The following LRRFIP1 variants were observed in gnomAD, a reference collection of about 807,000 sequenced individuals.
LRRFIP1 encodes leucine-rich repeat flightless-interacting protein 1.
Under a neutral mutation model 104.4 loss-of-function variants are expected in LRRFIP1, and 62 were observed. That is an observed-to-expected ratio of 0.59 (90% CI 0.48 to 0.73). The LOEUF is 0.73. LRRFIP1 is among the 30% of genes least tolerant of loss of function. The pLI, the probability that LRRFIP1 is intolerant of heterozygous loss-of-function variation, is 0.00. For synonymous variants in LRRFIP1, 300 were observed against 299.0 expected (o/e 1.00, Z -0.03); for missense variants, 796 against 824.5 (o/e 0.97, Z 0.42).
intron 1 of LRRFIP1, among the ~76,000 whole-genome samples, chr2:237,643,628 C>A (rs1177245767): frequency 2.6e-5 from 4 of 152,220 alleles, no homozygotes; most frequent in Non-Finnish European, 4.4e-5. Flanking sequence ...CAGGGGAGAG[C>A]CTGGCCAGGG....
rs962707541 is a variant in LRRFIP1, at chr2:237,780,629, G to A, written c.*1097G>A. ...GGCTGGTGAAGCCAGTCAGCTTTTC[G>A]GGACGTTAGCAAGTGGAAACTGAGT... On this transcript the variant is annotated 3_prime_UTR_variant, in exon 24 of 24. Coordinates refer to ENST00000308482, the MANE Select transcript of LRRFIP1 (RefSeq NM_001137550.2). 2.6e-5 allele frequency among the ~76,000 whole-genome samples: 4 copies of A among 152,074 alleles called. No homozygotes were observed. The highest frequency in any genetic ancestry group is 1.9e-4 in the East Asian group (1 of 5,188).
intron 8 of LRRFIP1, among the ~76,000 whole-genome samples, chr2:237,729,275 T>G (rs892560): frequency 0.34 from 52,344 of 152,182 alleles, 10,656 homozygotes; most frequent in African/African-American, 0.57. Flanking sequence ...AAGATGGCCT[T>G]CAGGGCATTT....
chr2:237,666,860 TC>T (rs1202574750), intron 1 of LRRFIP1, among the ~76,000 whole-genome samples: 35 of 150,794 alleles, frequency 2.3e-4, no homozygotes, highest in Non-Finnish European at 4.7e-4. Flanking sequence ...TTTCTTTCTT[TC>T]TTTCTTCTCT....
intron 1 of LRRFIP1, among the ~76,000 whole-genome samples, chr2:237,651,303 T>A (rs1431806859): frequency 1.3e-5 from 2 of 152,240 alleles, no homozygotes; most frequent in East Asian, 3.8e-4. Flanking sequence ...AGTGTGCACA[T>A]CTAAAGCAGC....
At chr2:237,628,368 A>C (rs2081890955) in intron 1 of LRRFIP1, among the ~76,000 whole-genome samples, 1 of 152,194 alleles carries the variant, frequency 6.6e-6, no homozygotes, top group Non-Finnish European at 1.5e-5. Flanking sequence ...AACTAAGATC[A>C]TGTTTGGTGA....
intron 1 of LRRFIP1, among the ~76,000 whole-genome samples, chr2:237,632,861 T>C (rs2082589368): frequency 6.6e-6 from 1 of 152,256 alleles, no homozygotes; most frequent in South Asian, 2.1e-4. Flanking sequence ...GAGGTGACCC[T>C]GGGGCCAGAA....
intron 11 of LRRFIP1, among the ~76,000 whole-genome samples, chr2:237,748,080 G>T (rs1397054984): frequency 1.3e-5 from 2 of 152,176 alleles, no homozygotes; most frequent in African/African-American, 4.8e-5. Flanking sequence ...ACCCTCTCTT[G>T]TAGTTCCACA....
intron 19 of LRRFIP1, chr2:237,762,899 G>A (rs777501706): frequency 6.2e-7 from 1 of 1,614,198 alleles, no homozygotes; most frequent in East Asian, 2.2e-5. Flanking sequence ...GGTCATGGGT[G>A]CACCAGATGA....
intron 1 of LRRFIP1, among the ~76,000 whole-genome samples, chr2:237,631,707 C>T (rs574445227): frequency 3.3e-5 from 5 of 152,342 alleles, no homozygotes; most frequent in East Asian, 1.9e-4. Context: ...CAGCACTCTG[C>T]AGCTGAGTAA....
chr2:237,655,102 C>CTTTT (rs1170742860), intron 1 of LRRFIP1, among the ~76,000 whole-genome samples: 914 of 58,294 alleles, frequency 0.016, 254 homozygotes, highest in African/African-American at 0.066. Context: ...GATCTCACTT[C>CTTTT]TTTTTTTTTT....
At chr2:237,675,308 T>A (rs2090989323) in intron 1 of LRRFIP1, among the ~76,000 whole-genome samples, 1 of 152,278 alleles carries the variant, frequency 6.6e-6, no homozygotes, top group Admixed American at 6.5e-5. Flanking sequence ...TTGAAATCAC[T>A]GCTGTAATTT....
At position 237,776,498 on chromosome 2, in the gene LRRFIP1, A is replaced by T. The variant is rs192292998; in HGVS notation, c.1812+2036A>T. Among the ~76,000 whole-genome samples the T allele has an allele frequency of 5.3e-5, 8 of 152,276 alleles. No homozygotes were observed. In the East Asian group the frequency reaches 1.5e-3, roughly 29 times the overall value. The stretch of plus-strand genomic sequence containing the variant: ...GATCTGATTTCTTTTGTCTGCTTAA[A>T]TTCTCAGTAGCTGATAGAGATTTGT... On this transcript the variant is annotated intron_variant, in intron 23 of 23. Transcript: ENST00000308482.
In LRRFIP1 at chr2:237,763,308, C is replaced by A. The variant is rs760307561; in HGVS notation, c.1459+3103C>A. 3 of 1,613,886 alleles carry A rather than the reference C, an allele frequency of 1.9e-6. No individual in the cohort carries two copies. In the African/African-American group the frequency reaches 4.0e-5, roughly 22 times the overall value. ...GGAACTGAGGGCAACTGTCAGGAAGCGACAGGTCCAAGTACAGTAGACACT... is the reference window on the plus strand; with the variant it reads ...GGAACTGAGGGCAACTGTCAGGAAGAGACAGGTCCAAGTACAGTAGACACT... On this transcript the variant is annotated intron_variant, in intron 19 of 23. Transcript: ENST00000308482.
chr2:237,657,094 C>T (rs963738521), intron 1 of LRRFIP1, among the ~76,000 whole-genome samples: 1 of 152,152 alleles, frequency 6.6e-6, no homozygotes, highest in Admixed American at 6.5e-5. Context: ...AGGGGGCATC[C>T]TTGCACCATT....
At chr2:237,650,200 G>T (rs111454083) in intron 1 of LRRFIP1, among the ~76,000 whole-genome samples, 1,956 of 152,140 alleles carry the variant, frequency 0.013, 36 homozygotes, top group Non-Finnish European at 0.019. Context: ...CCTGGGAAAG[G>T]TGATGTTCAT....
At chr2:237,739,626 C>T (rs2095354760) in intron 11 of LRRFIP1, among the ~76,000 whole-genome samples, 2 of 152,264 alleles carry the variant, frequency 1.3e-5, no homozygotes, top group African/African-American at 4.8e-5. Context: ...TGTGATCAGA[C>T]CCCGACAGTG....
At chr2:237,763,813 T>G (rs771728089) in intron 19 of LRRFIP1, 2 of 1,614,154 alleles carry the variant, frequency 1.2e-6, no homozygotes, top group Non-Finnish European at 1.7e-6. Flanking sequence ...ATGAAGGTGT[T>G]GCAAAAGATA....
intron 19 of LRRFIP1, among the ~76,000 whole-genome samples, chr2:237,767,050 A>C (rs188373531): frequency 5.9e-5 from 9 of 152,092 alleles, no homozygotes; most frequent in Admixed American, 5.2e-4. Context: ...TGGCATGTGC[A>C]TGTAGTCCCA....
intron 1 of LRRFIP1, among the ~76,000 whole-genome samples, chr2:237,705,705 T>C (rs1347533733): frequency 6.6e-6 from 1 of 151,512 alleles, no homozygotes. Flanking sequence ...CTCTGGGTCC[T>C]GTGCTCAGGT....
Sources: allele counts gnomAD v4.1 joint callset (sites outside exome capture counted in the v4.1 genomes callset), GRCh38; gene constraint gnomAD v4.1.1; transcripts MANE v1.5; gene names NCBI Gene and HGNC (gene_info 2026-07-23, HGNC 2026-07-21).